DENND1A: variants seen among roughly 807,000 people sequenced by gnomAD.
DENND1A encodes DENN domain-containing protein 1A.
DENND1A carries 51 observed loss-of-function variants against 113.7 expected under a neutral mutation model. The observed-to-expected ratio is 0.45, with a 90% CI of 0.36 to 0.57. The LOEUF (loss-of-function observed/expected upper bound fraction) is 0.57. Among genes scored for constraint, DENND1A ranks in the 20% least tolerant of loss-of-function variants. The probability of loss-of-function intolerance (pLI) is 0.00; values close to 1 mark genes in which losing one functional copy is unlikely to be tolerated. For missense variants in DENND1A, 1,258 were observed against 1,395.9 expected (o/e 0.90, Z 1.57); for synonymous variants, 565 against 570.8 (o/e 0.99, Z 0.14).
chr9:123,847,532 G>A (rs1037028330), intron 2 of DENND1A, among the ~76,000 whole-genome samples: 13 of 152,114 alleles, frequency 8.5e-5, no homozygotes, highest in Non-Finnish European at 1.8e-4. Flanking sequence ...TTAGAATAAG[G>A]ACATCTTCAG....
chr9:123,760,908 C>T (rs1472557627), intron 4 of DENND1A, among the ~76,000 whole-genome samples: 4 of 152,130 alleles, frequency 2.6e-5, no homozygotes, highest in African/African-American at 9.7e-5. Context: ...AGAAACACTA[C>T]TACGTGATCA....
At chr9:123,433,783 C>T (rs1261048921) in intron 19 of DENND1A, among the ~76,000 whole-genome samples, 1 of 152,194 alleles carries the variant, frequency 6.6e-6, no homozygotes, top group African/African-American at 2.4e-5. Flanking sequence ...TTGCTTGCTT[C>T]GCTTGATGTG....
chr9:123,657,944 C>T (rs1341129208), intron 8 of DENND1A, among the ~76,000 whole-genome samples: 3 of 152,138 alleles, frequency 2.0e-5, no homozygotes, highest in African/African-American at 7.2e-5. Flanking sequence ...TTTCATCCCT[C>T]CATGTGAATA....
intron 3 of DENND1A, among the ~76,000 whole-genome samples, chr9:123,790,470 A>C (rs368376840): frequency 2.0e-5 from 3 of 152,306 alleles, no homozygotes; most frequent in African/African-American, 7.2e-5. Context: ...GTGCACTCTT[A>C]TAAGTCTACC....
chr9:123,714,968 G>A (rs2066877064), intron 5 of DENND1A, among the ~76,000 whole-genome samples: 1 of 152,058 alleles, frequency 6.6e-6, no homozygotes, highest in African/African-American at 2.4e-5. Flanking sequence ...AATCACCTGA[G>A]GTCAGGAGTT....
Position 123,381,856 on chromosome 9 carries a change from C to T in DENND1A, c.2789G>A (p.Gly930Asp). ...GAAGCCAGCACTGGACAGCAGGAGG[C>T]CGGACGCAAAAGCCGGCCCCAGGGA... ...PASLGPAFAS[G>D]LLLSSAGFCA... is the part of the protein sequence containing the mutation. Residue 930 changes from glycine (G) to aspartate (D), a missense_variant, in exon 24 of 24, where the codon GGC becomes GAC. This residue lies in a region of DENND1A where 1,159 missense variants were observed against 1,231.7 expected (regional missense o/e 0.94). Transcript: ENST00000394215. The surrounding 1 kb of genome is among the most constrained non-coding windows in gnomAD (Gnocchi z 4.7). The T allele has an allele frequency of 6.8e-7, 1 of 1,470,714 alleles. No homozygotes were observed. Among genetic ancestry groups the T allele is most frequent in the Non-Finnish European group, 9.0e-7 (1 of 1,110,764 alleles). 91.1% of individuals were successfully genotyped at this position (1,470,714 alleles called of 1,614,324 possible).
chr9:123,687,168 AG>A (rs1564948709), intron 5 of DENND1A, among the ~76,000 whole-genome samples: 1 of 152,166 alleles, frequency 6.6e-6, no homozygotes, highest in African/African-American at 2.4e-5. Flanking sequence ...ATATGAATGA[AG>A]CTAGTCCAAT....
intron 1 of DENND1A, among the ~76,000 whole-genome samples, chr9:123,903,407 C>G (rs1388465844): frequency 6.6e-6 from 1 of 150,832 alleles, no homozygotes; most frequent in Admixed American, 6.6e-5. Context: ...GTATACAGCT[C>G]CCAGCGTGAG....
chr9:123,605,409 T>C (rs1477330429), intron 11 of DENND1A, among the ~76,000 whole-genome samples: 1 of 152,196 alleles, frequency 6.6e-6, no homozygotes. Context: ...AAATGTCTCT[T>C]GAGCTAAATT....
At chr9:123,593,205 T>G (rs1276159622) in intron 11 of DENND1A, among the ~76,000 whole-genome samples, 1 of 152,202 alleles carries the variant, frequency 6.6e-6, no homozygotes, top group Non-Finnish European at 1.5e-5. Context: ...AGATTGGGCT[T>G]GGGATTTTAT....
At chr9:123,429,240 A>ACAACCATCTGATCTT (rs1297382825) in intron 19 of DENND1A, among the ~76,000 whole-genome samples, 4 of 152,176 alleles carry the variant, frequency 2.6e-5, no homozygotes, top group African/African-American at 9.7e-5. Flanking sequence ...CTGCACACCT[A>ACAACCATCTGATCTT]CAACCATCTG....
chr9:123,391,261 C>T (rs1384875362), intron 21 of DENND1A, among the ~76,000 whole-genome samples: 1 of 152,230 alleles, frequency 6.6e-6, no homozygotes, highest in African/African-American at 2.4e-5. Context: ...AATACACCAC[C>T]TGTCTCTTGA....
chr9:123,679,431 T>G (rs1296286403), intron 5 of DENND1A, among the ~76,000 whole-genome samples: 1 of 152,176 alleles, frequency 6.6e-6, no homozygotes, highest in Non-Finnish European at 1.5e-5. Flanking sequence ...CCAAGTCAAT[T>G]CTTTTTGGCT....
intron 2 of DENND1A, among the ~76,000 whole-genome samples, chr9:123,827,924 GATA>G (rs902902618): frequency 3.9e-5 from 6 of 152,102 alleles, no homozygotes; most frequent in African/African-American, 1.2e-4. Flanking sequence ...TCTGGAGGAG[GATA>G]ATATTACCCT....
At chr9:123,570,003 T>A (rs1397169291) in intron 12 of DENND1A, among the ~76,000 whole-genome samples, 1 of 152,142 alleles carries the variant, frequency 6.6e-6, no homozygotes. Flanking sequence ...TTGGGTCTCA[T>A]CTTTTGTCCC....
chr9:123,696,828 T>G (rs2065551702), intron 5 of DENND1A, among the ~76,000 whole-genome samples: 1 of 152,184 alleles, frequency 6.6e-6, no homozygotes, highest in African/African-American at 2.4e-5. Context: ...TCTAAATTAC[T>G]ATAGTGATCT....
intron 12 of DENND1A, among the ~76,000 whole-genome samples, chr9:123,569,994 T>TG (rs774358667): frequency 2.7e-4 from 41 of 152,306 alleles, no homozygotes; most frequent in Non-Finnish European, 5.6e-4. Context: ...CCTGTCTATT[T>TG]GGGTCTCATC....
intron 12 of DENND1A, 117 bp downstream of exon 12, chr9:123,583,052 G>A: frequency 2.7e-6 from 2 of 735,622 alleles, no homozygotes; most frequent in Non-Finnish European, 4.5e-6. Context: ...ACAAACTGCA[G>A]TTCTCAGGTC....
At chr9:123,855,401 AGTT>A in intron 2 of DENND1A, among the ~76,000 whole-genome samples, 1 of 151,982 alleles carries the variant, frequency 6.6e-6, no homozygotes, top group African/African-American at 2.4e-5. Flanking sequence ...ACCTTGTCTA[AGTT>A]ATAAAGGACA....
Sources: allele counts gnomAD v4.1 joint callset (sites outside exome capture counted in the v4.1 genomes callset), GRCh38; gene constraint gnomAD v4.1.1; regional missense constraint gnomAD v4.1.1; non-coding constraint Gnocchi (gnomAD v3.1); transcripts MANE v1.5; gene names NCBI Gene and HGNC (gene_info 2026-07-23, HGNC 2026-07-21).